The following DHX35 variants were observed in gnomAD, a reference collection of about 807,000 sequenced individuals.
DHX35 encodes the protein probable ATP-dependent RNA helicase DHX35.
Under a neutral mutation model 99.6 loss-of-function variants are expected in DHX35, and 84 were observed. The observed-to-expected ratio is 0.84, with a 90% confidence interval of 0.71 to 1.01. The LOEUF (loss-of-function observed/expected upper bound fraction) is 1.01, where lower values mean the gene tolerates loss of function less well. DHX35 is among the 50% of genes least tolerant of loss of function. The pLI, the probability that DHX35 is intolerant of heterozygous loss-of-function variation, is 0.00. For missense variants in DHX35, 852 were observed against 888.5 expected, an observed-to-expected ratio of 0.96 and a Z score of 0.52; for synonymous variants, 331 against 316.2, an observed-to-expected ratio of 1.05 and a Z score of -0.50.
rs2145951211 is a variant in DHX35 at position 39,034,242 on chromosome 20, C to T, written c.1992C>T (p.Tyr664=). 6.2e-7 allele frequency: 1 copy of T among 1,614,176 alleles called. No individual in the cohort carries two copies. The highest frequency in any genetic ancestry group is 8.5e-7 in the Non-Finnish European group (1 of 1,180,030). The change falls in exon 21 of 22, where the codon TAC becomes TAT. Residue 664 remains tyrosine, a synonymous_variant. Coordinates refer to ENST00000252011, the MANE Select transcript of DHX35 (RefSeq NM_021931.4). ...IYNEVIQTSK[Y]YMRDVTAIES... ...ACGAAGTTATACAGACCTCCAAGTA[C>T]TACATGAGAGATGTGACTGCCATTG... is the stretch of plus-strand genomic sequence containing the variant.
chr20:39,030,045 T>C (rs2087022691), intron 19 of DHX35: 1 of 151,806 alleles, frequency 6.6e-6, no homozygotes, highest in African/African-American at 2.4e-5. Flanking sequence ...AATGGGGTGA[T>C]CTTGGCTCAT....
At chr20:39,001,963 A>T (rs3764701) in intron 9 of DHX35, 121 bp downstream of exon 9, 264,694 of 814,404 alleles carry the variant, frequency 0.33, 44,359 homozygotes, top group Middle Eastern at 0.41. Context: ...TTGTGTCCCT[A>T]GTCATTGGTC....
chr20:39,034,705 A>G (rs2087119118), intron 21 of DHX35, among the ~76,000 whole-genome samples: 1 of 151,036 alleles, frequency 6.6e-6, no homozygotes, highest in South Asian at 2.1e-4. Flanking sequence ...CTCCTGCCTT[A>G]GCCCCCATGT....
intron 1 of DHX35, among the ~76,000 whole-genome samples, chr20:38,968,561 T>C (rs1489271587): frequency 2.0e-5 from 3 of 152,156 alleles, no homozygotes; most frequent in Admixed American, 2.0e-4. Flanking sequence ...TTTTCTTTTT[T>C]TTTGGAGACA....
In DHX35 at chr20:39,001,727, TAGAAA is replaced by T; in HGVS notation, c.643-2_645del. The T allele has an allele frequency of 6.2e-7, 1 of 1,600,672 alleles. No individual in the cohort carries two copies. The highest frequency in any genetic ancestry group is 8.5e-7 in the Non-Finnish European group (1 of 1,173,988). On this transcript the variant is annotated splice_acceptor_variant and coding_sequence_variant, in exon 9 of 22. Coordinates refer to ENST00000252011, the MANE Select transcript of DHX35 (RefSeq NM_021931.4). LOFTEE classifies it high-confidence loss of function. ...AATGAAGAATTAATTTTTTTCTTTT[TAGAAA>T]TTCCGGGATTTCTTTAATCAAAATG...
intron 4 of DHX35, 63 bp downstream of exon 4, chr20:38,983,839 A>C: frequency 6.9e-7 from 1 of 1,449,250 alleles, no homozygotes; most frequent in Non-Finnish European, 9.6e-7. Flanking sequence ...ATTTGTTTAC[A>C]TTTCCTAAAG....
intron 12 of DHX35, among the ~76,000 whole-genome samples, chr20:39,009,737 C>T (rs2086670567): frequency 1.3e-5 from 2 of 152,102 alleles, no homozygotes; most frequent in African/African-American, 4.8e-5. Context: ...AAGGTCACCT[C>T]TTCTTCCTGG....
chr20:38,970,925 T>G (rs532676064), intron 2 of DHX35, among the ~76,000 whole-genome samples: 2 of 151,252 alleles, frequency 1.3e-5, no homozygotes, highest in African/African-American at 4.9e-5. Flanking sequence ...GTTACTGATA[T>G]AAAGCAAAGC....
intron 7 of DHX35, among the ~76,000 whole-genome samples, chr20:38,993,406 C>T (rs539627636): frequency 5.3e-5 from 8 of 152,190 alleles, no homozygotes; most frequent in South Asian, 2.1e-4. Context: ...GTTGCCCAGG[C>T]GGGAATACAA....
At chr20:38,978,318 A>G in intron 3 of DHX35, 1 of 758,606 alleles carries the variant, frequency 1.3e-6, no homozygotes, top group Middle Eastern at 3.6e-4. Flanking sequence ...CATCTTCATC[A>G]TTATCCACCT....
chr20:38,988,752 G>A (rs1282351744), intron 4 of DHX35, 61 bp from the exon 5 acceptor site: 2 of 1,606,994 alleles, frequency 1.2e-6, no homozygotes, highest in Non-Finnish European at 1.7e-6. Flanking sequence ...ATTTTCCATA[G>A]TATGTGCGCT....
chr20:38,973,347 A>G (rs6065102), intron 3 of DHX35, among the ~76,000 whole-genome samples: 101 of 152,320 alleles, frequency 6.6e-4, no homozygotes, highest in Middle Eastern at 3.4e-3. Flanking sequence ...GAAAGTACCT[A>G]TATCATAATT....
intron 4 of DHX35, among the ~76,000 whole-genome samples, chr20:38,988,056 C>T (rs879601278): frequency 1.4e-4 from 22 of 152,242 alleles, no homozygotes; most frequent in Admixed American, 1.4e-3. Context: ...GAAAAGTTGT[C>T]CCTGGTTAGT....
At chr20:39,034,116 T>A in intron 20 of DHX35, 90 bp from the exon 21 acceptor site, 1 of 929,690 alleles carries the variant, frequency 1.1e-6, no homozygotes, top group Non-Finnish European at 1.7e-6. Flanking sequence ...TAGAACCTGT[T>A]AAAGGTTAAA....
intron 13 of DHX35, 146 bp downstream of exon 13, chr20:39,010,550 G>T (rs2086686887): frequency 1.7e-6 from 2 of 1,153,188 alleles, no homozygotes; most frequent in Admixed American, 2.8e-5. Context: ...CAGGCCCTGT[G>T]CAGGACGTAG....
At position 38,988,894 on chromosome 20, in the gene DHX35, G is replaced by A. The variant is rs376963249; in HGVS notation, c.427G>A (p.Asp143Asn). 7.4e-6 allele frequency: 12 copies of A among 1,613,106 alleles called. No homozygotes were observed. The highest frequency in any genetic ancestry group is 6.7e-5 in the Admixed American group (4 of 59,970). ...CTGCATCCGCTTTGATGACTGCACC[G>A]ACCAGCTGGCCACGAGAATTAAGGT... ...GYCIRFDDCT[D>N]QLATRIKFLT... Residue 143 changes from aspartate (D) to asparagine (N), a missense_variant, in exon 5 of 22, where the codon GAC becomes AAC. Asp to Asn is a conservative substitution (Grantham distance 23). Transcript: ENST00000252011.
At chr20:38,983,615 T>C in intron 3 of DHX35, 84 bp from the exon 4 acceptor site, 1 of 1,135,166 alleles carries the variant, frequency 8.8e-7, no homozygotes, top group Non-Finnish European at 1.3e-6. Flanking sequence ...CTTAGTGATT[T>C]TAACACAATA....
At position 38,969,223 on chromosome 20, in the gene DHX35, A is replaced by T; in HGVS notation, c.174+9A>T. The T allele has an allele frequency of 1.2e-6, 2 of 1,605,754 alleles. No individual in the cohort carries two copies. The highest frequency in any genetic ancestry group is 1.7e-6 in the Non-Finnish European group (2 of 1,174,412). On this transcript the variant is annotated intron_variant, in intron 2 of 21. Coordinates refer to ENST00000252011, the MANE Select transcript of DHX35 (RefSeq NM_021931.4). ...AGCTGCCGGTATTCAAGGTACGTCAAATAATCATGTTCAACCTGTGGGCTT... is the reference window on the plus strand; with the variant it reads ...AGCTGCCGGTATTCAAGGTACGTCATATAATCATGTTCAACCTGTGGGCTT...
At chr20:38,964,735 C>T (rs2085886119) in intron 1 of DHX35, among the ~76,000 whole-genome samples, 2 of 152,124 alleles carry the variant, frequency 1.3e-5, no homozygotes, top group Non-Finnish European at 2.9e-5. Context: ...GGCCTGACTT[C>T]AGTGTTTTTA....
Sources: gnomAD v4.1 joint callset for allele counts (sites outside exome capture counted in the v4.1 genomes callset) on GRCh38, gnomAD v4.1.1 for gene constraint, MANE v1.5 for transcripts, NCBI Gene and HGNC (gene_info 2026-07-23, HGNC 2026-07-21) for gene names.